The following GLYATL2 variants were observed in gnomAD, a reference collection of about 807,000 sequenced individuals.
The protein encoded by GLYATL2 is glycine-N-acyltransferase like 2, also known as glycine N-acyltransferase-like protein 2.
In GLYATL2, 25 loss-of-function variants were observed where a neutral mutation model predicts 21.4. That is an observed-to-expected ratio of 1.17 (90% CI 0.85 to 1.63). The LOEUF is 1.63. Among genes scored for constraint, GLYATL2 ranks in the 40% most tolerant of loss-of-function variants. The pLI is 0.00. For synonymous variants in GLYATL2, 114 were observed against 118.2 expected, an observed-to-expected ratio of 0.96 and a Z score of 0.23; for missense variants, 361 against 343.3, an observed-to-expected ratio of 1.05 and a Z score of -0.41.
At chr11:58,896,815 T>C (rs1182694730) in intron 1 of GLYATL2, among the ~76,000 whole-genome samples, 3 of 152,232 alleles carry the variant, frequency 2.0e-5, no homozygotes, top group African/African-American at 7.2e-5. Context: ...ATTTACTGTT[T>C]TTTCTAAAGT....
rs533946691 is a variant in GLYATL2 at position 58,886,892 on chromosome 11, C to T, written n.60+17264G>A. ...TGGGATGCAGAAAGCGACAAAATGA[C>T]CCTAGCTTGAGGAACAAAGGGGTAA... On this transcript the variant is annotated intron_variant and non_coding_transcript_variant, in intron 1 of 4. Transcript: ENST00000533636. Among the ~76,000 whole-genome samples the T allele has an allele frequency of 3.1e-4, 47 of 152,266 alleles. No individual in the cohort carries two copies. In the South Asian group the frequency reaches 9.8e-3, roughly 32 times the overall value.
chr11:58,875,500 C>G (rs1854212337), intron 1 of GLYATL2, among the ~76,000 whole-genome samples: 1 of 152,182 alleles, frequency 6.6e-6, no homozygotes, highest in Admixed American at 6.5e-5. Context: ...GACAAAATCT[C>G]TCAGCATTTG....
chr11:58,903,556 C>G (rs923695351), intron 1 of GLYATL2, among the ~76,000 whole-genome samples: 3 of 151,976 alleles, frequency 2.0e-5, no homozygotes, highest in Non-Finnish European at 4.4e-5. Flanking sequence ...ACTTGTAATA[C>G]CAGCTGCTCA....
intron 1 of GLYATL2, among the ~76,000 whole-genome samples, chr11:58,871,480 G>A (rs1854119531): frequency 7.7e-6 from 1 of 130,674 alleles, no homozygotes; most frequent in Non-Finnish European, 1.5e-5. Flanking sequence ...TCCCCTTCCT[G>A]TGTCCATGTG....
At chr11:58,869,215 G>A (rs536452323) in intron 1 of GLYATL2, among the ~76,000 whole-genome samples, 123 of 152,286 alleles carry the variant, frequency 8.1e-4, no homozygotes, top group African/African-American at 2.9e-3. Context: ...ATATAGTCAC[G>A]GGAAATTAGA....
At chr11:58,879,238 T>C (rs1489681495) in intron 1 of GLYATL2, among the ~76,000 whole-genome samples, 1 of 152,184 alleles carries the variant, frequency 6.6e-6, no homozygotes. Context: ...CAGAAAATTC[T>C]AAAATAAGAA....
rs188716242 is a variant in GLYATL2, at chr11:58,874,161, T to C, written n.60+29995A>G. Among the ~76,000 whole-genome samples the C allele has an allele frequency of 1.4e-3, 220 of 152,310 alleles. 2 individuals are homozygous for C. The highest frequency in any genetic ancestry group is 2.4e-3 in the Non-Finnish European group (163 of 68,026). ...TCCCCTTTGTCATTTTTTTATTGCATCTATTTGATTCTCCTCTCTTTTCTT... is the reference window on the plus strand; with the variant it reads ...TCCCCTTTGTCATTTTTTTATTGCACCTATTTGATTCTCCTCTCTTTTCTT... On this transcript the variant is annotated intron_variant and non_coding_transcript_variant, in intron 1 of 4. Transcript: ENST00000533636.
chr11:58,874,542 G>A (rs547612284), intron 1 of GLYATL2, among the ~76,000 whole-genome samples: 1 of 152,158 alleles, frequency 6.6e-6, no homozygotes, highest in African/African-American at 2.4e-5. Flanking sequence ...TCATTTCGTT[G>A]TGTACCCAGT....
intron 1 of GLYATL2, among the ~76,000 whole-genome samples, chr11:58,895,512 T>G (rs1227547404): frequency 6.6e-6 from 1 of 152,202 alleles, no homozygotes; most frequent in Non-Finnish European, 1.5e-5. Context: ...TCCTCTTTTC[T>G]CAGCTTGTTG....
At chr11:58,860,428 C>G (rs565428124) in intron 1 of GLYATL2, among the ~76,000 whole-genome samples, 2 of 151,982 alleles carry the variant, frequency 1.3e-5, no homozygotes, top group African/African-American at 4.8e-5. Flanking sequence ...ATAGAATCAC[C>G]ACTGATTTAT....
At position 58,834,565 on chromosome 11, in the gene GLYATL2, G is replaced by C; in HGVS notation, c.749C>G (p.Ser250Cys). ...GAAATAAAATGGGATTTCTTTCTGA[G>C]AAAGATACTTTTCAAGATGATAACC... is the stretch of plus-strand genomic sequence containing the variant. ...QIGYHLEKYL[S>C]QKEIPFYFHV... Residue 250 changes from serine to cysteine, a missense_variant, in exon 6 of 6, where the codon TCT (serine) becomes TGT (cysteine). Physicochemically the swap from Ser to Cys is moderately radical, Grantham distance 112 (BLOSUM62 -1). Transcript: ENST00000287275. 6.2e-7 allele frequency: 1 copy of C among 1,613,906 alleles called. No homozygotes were observed. The highest frequency in any genetic ancestry group is 8.5e-7 in the Non-Finnish European group (1 of 1,179,934).
chr11:58,837,656 C>T (rs1853464015), intron 3 of GLYATL2, among the ~76,000 whole-genome samples: 1 of 152,046 alleles, frequency 6.6e-6, no homozygotes. Context: ...GGAAGTGTAC[C>T]CTAAATGGTG....
intron 1 of GLYATL2, among the ~76,000 whole-genome samples, chr11:58,854,762 C>T (rs533951714): frequency 6.6e-5 from 10 of 152,212 alleles, no homozygotes; most frequent in Admixed American, 4.6e-4. Context: ...ACCCTTTCAA[C>T]CCTCGCTACA....
intron 1 of GLYATL2, among the ~76,000 whole-genome samples, chr11:58,880,484 T>A (rs1481296592): frequency 6.6e-6 from 1 of 152,164 alleles, no homozygotes; most frequent in African/African-American, 2.4e-5. Context: ...CACAAGTTTT[T>A]TGTGGGGTGT....
chr11:58,894,951 AAAAGCTAAT>A (rs1263232437), intron 1 of GLYATL2, among the ~76,000 whole-genome samples: 1 of 32,858 alleles, frequency 3.0e-5, no homozygotes, highest in Non-Finnish European at 2.5e-4. Context: ...CTCAACATGC[AAAAGCTAAT>A]ACAGATAATA....
chr11:58,872,876 A>T (rs1186145342), intron 1 of GLYATL2, among the ~76,000 whole-genome samples: 2 of 152,230 alleles, frequency 1.3e-5, no homozygotes, highest in Non-Finnish European at 2.9e-5. Flanking sequence ...TACCTTGGGC[A>T]GTACGGCCAT....
chr11:58,858,050 G>A lies in GLYATL2; in HGVS notation n.61-19682C>T, dbSNP rs568659194. On this transcript the variant is annotated intron_variant and non_coding_transcript_variant, in intron 1 of 4. Transcript: ENST00000533636. ...AAACACACTTGTTTTCTCTACACTG[G>A]ATAAGAATATTGCTGTACAGTATAA... Among the ~76,000 whole-genome samples the A allele has an allele frequency of 2.6e-5, 4 of 152,268 alleles. 1 individual carries two copies. The highest frequency in any genetic ancestry group is 9.6e-5 in the African/African-American group (4 of 41,548).
intron 5 of GLYATL2, among the ~76,000 whole-genome samples, chr11:58,835,782 T>C (rs1853420227): frequency 6.6e-6 from 1 of 152,168 alleles, no homozygotes; most frequent in African/African-American, 2.4e-5. Context: ...GATATCCATG[T>C]AGGCTTAGAG....
chr11:58,884,538 G>T (rs1854401697), intron 1 of GLYATL2, among the ~76,000 whole-genome samples: 1 of 152,174 alleles, frequency 6.6e-6, no homozygotes, highest in Non-Finnish European at 1.5e-5. Context: ...TATTCTAGAT[G>T]AAAGAATACT....
Sources: gnomAD v4.1 joint callset for allele counts (sites outside exome capture counted in the v4.1 genomes callset) on GRCh38, gnomAD v4.1.1 for gene constraint, MANE v1.5 for transcripts, NCBI Gene and HGNC (gene_info 2026-07-23, HGNC 2026-07-21) for gene names.